RGS8: variants seen among roughly 807,000 people sequenced by gnomAD.
The protein encoded by RGS8 is regulator of G-protein signaling 8.
RGS8 carries 8 observed loss-of-function variants against 21.7 expected under a neutral mutation model. That is an observed-to-expected ratio of 0.37 (90% CI 0.22 to 0.66). RGS8 has a LOEUF of 0.66. RGS8 is among the 30% of genes least tolerant of loss of function. RGS8 has a pLI of 0.59. For synonymous variants in RGS8, 80 were observed against 83.6 expected, an observed-to-expected ratio of 0.96 and a Z score of 0.24; for missense variants, 157 against 217.9, an observed-to-expected ratio of 0.72 and a Z score of 1.76.
upstream of RGS8, among the ~76,000 whole-genome samples, chr1:182,686,332 A>G (rs748719986): frequency 4.3e-4 from 65 of 152,058 alleles, no homozygotes; most frequent in Admixed American, 3.9e-4. Context: ...TTATCATCAG[A>G]TCTGTGTTTT....
rs1415937304 is a variant in RGS8, at chr1:182,682,772, C to A, written n.221+1584G>T. On this transcript the variant is annotated intron_variant and non_coding_transcript_variant, in intron 1 of 4. Coordinates refer to the RGS8 transcript ENST00000515211. ...CTATTCAGCTCATGCTGCTGCTGACCCATGGCTGAGATCCACACTTGGAGG... is the reference window on the plus strand; with the variant it reads ...CTATTCAGCTCATGCTGCTGCTGACACATGGCTGAGATCCACACTTGGAGG... Among the ~76,000 whole-genome samples the A allele has an allele frequency of 2.0e-5, 3 of 151,354 alleles. No individual in the cohort carries two copies. The East Asian group carries it at 5.9e-4, about 30-fold the overall frequency.
chr1:182,675,639 G>A (rs1664332437), upstream of RGS8, among the ~76,000 whole-genome samples: 1 of 152,104 alleles, frequency 6.6e-6, no homozygotes, highest in Non-Finnish European at 1.5e-5. Context: ...TGCCCGGAAT[G>A]TCCCCACCCT....
the RGS8 span, among the ~76,000 whole-genome samples, chr1:182,692,196 G>T: frequency 1.3e-5 from 2 of 151,926 alleles, no homozygotes; most frequent in African/African-American, 2.4e-5. Flanking sequence ...GTAGAGACAG[G>T]CTTTCAGCAC....
chr1:182,671,164 T>C (rs1664139504), intron 2 of RGS8, among the ~76,000 whole-genome samples: 1 of 152,246 alleles, frequency 6.6e-6, no homozygotes, highest in Non-Finnish European at 1.5e-5. Context: ...GTTGCCTGTC[T>C]CTCTCCTTCA....
intron 3 of RGS8, 131 bp downstream of exon 4, chr1:182,669,493 A>C: frequency 7.5e-7 from 1 of 1,335,046 alleles, no homozygotes; most frequent in South Asian, 1.3e-5. Flanking sequence ...CAGGAGGCCT[A>C]TGGGGACAGA....
the RGS8 span, chr1:182,734,716 C>T: frequency 6.6e-6 from 1 of 152,100 alleles, no homozygotes; most frequent in East Asian, 1.9e-4. Flanking sequence ...AAGTTAGGAA[C>T]CAAGGAGTTA....
At chr1:182,725,956 T>C in the RGS8 span, among the ~76,000 whole-genome samples, 1 of 152,198 alleles carries the variant, frequency 6.6e-6, no homozygotes, top group African/African-American at 2.4e-5. Flanking sequence ...ATAGAGAAGA[T>C]AGTTAATAAA....
the RGS8 span, chr1:182,714,467 C>T: frequency 1.2e-4 from 18 of 152,182 alleles, no homozygotes; most frequent in Non-Finnish European, 2.2e-4. Flanking sequence ...CCACTAACAC[C>T]TTACCACTCT....
At chr1:182,682,674 A>G (rs541056622) in intron 1 of RGS8, among the ~76,000 whole-genome samples, 46 of 152,294 alleles carry the variant, frequency 3.0e-4, no homozygotes, top group African/African-American at 1.0e-3. Context: ...TGGAGGGCCC[A>G]GGGTAATTCA....
the RGS8 span, among the ~76,000 whole-genome samples, chr1:182,742,367 C>T: frequency 6.6e-6 from 1 of 151,846 alleles, no homozygotes; most frequent in Non-Finnish European, 1.5e-5. Context: ...AATCTCGGCA[C>T]TTTGGGAGGC....
chr1:182,719,657 T>A, the RGS8 span, among the ~76,000 whole-genome samples: 3 of 151,694 alleles, frequency 2.0e-5, no homozygotes, highest in African/African-American at 7.3e-5. Flanking sequence ...CTCAAACTCC[T>A]GGGCTCAATG....
upstream of RGS8, among the ~76,000 whole-genome samples, chr1:182,673,479 G>A (rs556667103): frequency 6.6e-6 from 1 of 151,732 alleles, no homozygotes; most frequent in East Asian, 1.9e-4. Context: ...CAGTCTTTCT[G>A]GGCAGATCTA....
chr1:182,700,911 C>A, the RGS8 span, among the ~76,000 whole-genome samples: 2 of 152,194 alleles, frequency 1.3e-5, no homozygotes, highest in Admixed American at 1.3e-4. Flanking sequence ...CATAGCAGAA[C>A]TGGGATTCAA....
chr1:182,747,560 A>G, the RGS8 span, among the ~76,000 whole-genome samples: 3 of 152,340 alleles, frequency 2.0e-5, no homozygotes, highest in Non-Finnish European at 4.4e-5. Flanking sequence ...CTCAGAAATG[A>G]GCCAGCTATG....
chr1:182,690,813 T>C, the RGS8 span, among the ~76,000 whole-genome samples: 4 of 152,182 alleles, frequency 2.6e-5, no homozygotes, highest in African/African-American at 7.2e-5. Flanking sequence ...CACGGTACTC[T>C]CTCCCACCCT....
chr1:182,714,112 A>C, the RGS8 span, among the ~76,000 whole-genome samples: 2 of 152,016 alleles, frequency 1.3e-5, no homozygotes, highest in African/African-American at 2.4e-5. Flanking sequence ...CCCCAAACTT[A>C]ATCTCACTCA....
intron 5 of RGS8, among the ~76,000 whole-genome samples, chr1:182,657,021 G>C (rs1663312101): frequency 6.6e-6 from 1 of 152,212 alleles, no homozygotes; most frequent in Non-Finnish European, 1.5e-5. Context: ...CACTGCTGCA[G>C]GAGCCCCTCC....
chr1:182,720,313 T>G, the RGS8 span, among the ~76,000 whole-genome samples: 1 of 152,230 alleles, frequency 6.6e-6, no homozygotes, highest in Non-Finnish European at 1.5e-5. Context: ...AGTCATAAGA[T>G]AGCAGTGGAC....
intron 6 of RGS8, 117 bp downstream of exon 7, chr1:182,648,020 A>G: frequency 1.1e-6 from 1 of 877,274 alleles, no homozygotes. Flanking sequence ...CACCAGAGTG[A>G]TGAGGCTCAG....
Sources: gnomAD v4.1 joint callset for allele counts (sites outside exome capture counted in the v4.1 genomes callset) on GRCh38, gnomAD v4.1.1 for gene constraint, MANE v1.5 for transcripts, NCBI Gene and HGNC (gene_info 2026-07-23, HGNC 2026-07-21) for gene names.